The following TMEM132C variants were observed in gnomAD, a reference collection of about 807,000 sequenced individuals.
TMEM132C encodes the protein transmembrane protein 132C, also known as protein phosphatase 1, regulatory subunit 152.
Under a neutral mutation model 61.4 loss-of-function variants are expected in TMEM132C, and 29 were observed. The ratio of observed to expected loss-of-function variants is 0.47; its 90% CI spans 0.35 to 0.64. The LOEUF is 0.64. Ranked by LOEUF, TMEM132C falls within the 30% of genes least tolerant of loss-of-function variation. The pLI, the probability that TMEM132C is intolerant of heterozygous loss-of-function variation, is 0.00. For synonymous variants in TMEM132C, 656 were observed against 633.1 expected, an observed-to-expected ratio of 1.04 and a Z score of -0.54; for missense variants, 1,408 against 1,476.9, an observed-to-expected ratio of 0.95 and a Z score of 0.76.
chr12:128,515,607 G>A (rs1012098689), intron 2 of TMEM132C, among the ~76,000 whole-genome samples: 1 of 152,212 alleles, frequency 6.6e-6, no homozygotes, highest in South Asian at 2.1e-4. Flanking sequence ...GCCGAGGCGG[G>A]TGGATCACGA....
chr12:128,561,237 A>G (rs1436770502), intron 3 of TMEM132C, among the ~76,000 whole-genome samples: 1 of 152,258 alleles, frequency 6.6e-6, no homozygotes, highest in Non-Finnish European at 1.5e-5. Context: ...TTAAGATGTC[A>G]TTCCAGTTGG....
chr12:128,295,668 G>T (rs939585130), intron 1 of TMEM132C, among the ~76,000 whole-genome samples: 18 of 150,452 alleles, frequency 1.2e-4, no homozygotes, highest in Admixed American at 1.3e-4. Flanking sequence ...AAGAAAAAAG[G>T]GTGGGGTACA....
intron 2 of TMEM132C, among the ~76,000 whole-genome samples, chr12:128,468,677 A>C (rs1870825403): frequency 3.3e-5 from 5 of 152,236 alleles, no homozygotes; most frequent in Admixed American, 3.3e-4. Context: ...CAAGGTGGAG[A>C]ATAACATGAG....
intron 2 of TMEM132C, among the ~76,000 whole-genome samples, chr12:128,444,818 C>T (rs1333080716): frequency 2.0e-5 from 3 of 152,134 alleles, no homozygotes; most frequent in South Asian, 2.1e-4. Context: ...TGATTGCACT[C>T]GAATGCTGTT....
chr12:128,565,626 T>G (rs1407523189), intron 3 of TMEM132C, among the ~76,000 whole-genome samples: 1 of 152,192 alleles, frequency 6.6e-6, no homozygotes, highest in African/African-American at 2.4e-5. Context: ...CTTTGAGAGC[T>G]GGACGGGGTA....
intron 1 of TMEM132C, among the ~76,000 whole-genome samples, chr12:128,329,149 G>C (rs2135943389): frequency 6.6e-6 from 1 of 152,248 alleles, no homozygotes; most frequent in South Asian, 2.1e-4. Flanking sequence ...CCGGGGATTT[G>C]CAAAGCATTT....
intron 2 of TMEM132C, among the ~76,000 whole-genome samples, chr12:128,424,439 A>C (rs898215002): frequency 1.4e-5 from 2 of 147,426 alleles, no homozygotes; most frequent in Admixed American, 6.8e-5. Context: ...AACCTTAAAA[A>C]CATGATGCTA....
chr12:128,489,425 A>G (rs890172775), intron 2 of TMEM132C, among the ~76,000 whole-genome samples: 1 of 151,698 alleles, frequency 6.6e-6, no homozygotes, highest in Non-Finnish European at 1.5e-5. Flanking sequence ...CAGAGCGTTT[A>G]AGGGCTTGCT....
chr12:128,316,771 T>C (rs1000737089), intron 1 of TMEM132C, among the ~76,000 whole-genome samples: 14 of 152,184 alleles, frequency 9.2e-5, no homozygotes, highest in Admixed American at 1.3e-4. Flanking sequence ...ATTAATATTA[T>C]TGTTATTATT....
At chr12:128,394,322 A>G (rs1874870405) in intron 1 of TMEM132C, among the ~76,000 whole-genome samples, 1 of 152,202 alleles carries the variant, frequency 6.6e-6, no homozygotes, top group Admixed American at 6.5e-5. Flanking sequence ...TCAGACAGCC[A>G]TATGGCATTC....
chr12:128,589,935 CGTT>C (rs1399662967), intron 3 of TMEM132C, among the ~76,000 whole-genome samples: 3 of 152,290 alleles, frequency 2.0e-5, no homozygotes, highest in Non-Finnish European at 2.9e-5. Flanking sequence ...TCATCATCAT[CGTT>C]GTTGTTACGT....
intron 2 of TMEM132C, among the ~76,000 whole-genome samples, chr12:128,533,041 G>A (rs1030293846): frequency 5.3e-5 from 8 of 152,166 alleles, no homozygotes; most frequent in African/African-American, 1.9e-4. Flanking sequence ...ATATAAGTGT[G>A]GGAGTCTTAT....
chr12:128,573,387 G>T (rs1874968398), intron 3 of TMEM132C, among the ~76,000 whole-genome samples: 1 of 151,980 alleles, frequency 6.6e-6, no homozygotes, highest in Non-Finnish European at 1.5e-5. Flanking sequence ...TCACTCATAG[G>T]TGGGAATTGA....
intron 2 of TMEM132C, among the ~76,000 whole-genome samples, chr12:128,534,158 C>G (rs1208231912): frequency 6.6e-6 from 1 of 152,184 alleles, no homozygotes; most frequent in Admixed American, 6.5e-5. Context: ...ACTTAATCAT[C>G]CCTGTGTTAT....
At chr12:128,321,583 A>G (rs767520862) in intron 1 of TMEM132C, among the ~76,000 whole-genome samples, 10 of 152,180 alleles carry the variant, frequency 6.6e-5, no homozygotes, top group Non-Finnish European at 1.2e-4. Flanking sequence ...GTGGACATAC[A>G]ACCTACACAT....
chr12:128,581,028 T>C (rs978705929), intron 3 of TMEM132C, among the ~76,000 whole-genome samples: 2 of 152,058 alleles, frequency 1.3e-5, no homozygotes, highest in Admixed American at 1.3e-4. Flanking sequence ...AACCACTAGT[T>C]TACAACACCA....
intron 1 of TMEM132C, among the ~76,000 whole-genome samples, chr12:128,268,807 A>C (rs1870407225): frequency 6.7e-6 from 1 of 148,472 alleles, no homozygotes; most frequent in African/African-American, 2.5e-5. Context: ...AGATACACCA[A>C]CCAGACAAGT....
intron 1 of TMEM132C, among the ~76,000 whole-genome samples, chr12:128,268,880 TGA>T (rs1392322107): frequency 2.5e-5 from 2 of 79,856 alleles, no homozygotes; most frequent in Non-Finnish European, 4.9e-5. Flanking sequence ...GAGGGTGGGG[TGA>T]GAGAGGGGGG....
chr12:128,295,610 A>G (rs920655037), intron 1 of TMEM132C, among the ~76,000 whole-genome samples: 9 of 148,058 alleles, frequency 6.1e-5, no homozygotes, highest in Non-Finnish European at 1.0e-4. Context: ...TTGCCCTCCA[A>G]TGTTACTGAT....
Sources: gnomAD v4.1 joint callset for allele counts (sites outside exome capture counted in the v4.1 genomes callset) on GRCh38, gnomAD v4.1.1 for gene constraint, MANE v1.5 for transcripts, NCBI Gene and HGNC (gene_info 2026-07-23, HGNC 2026-07-21) for gene names.